Variants in PGAP1 observed in about 807,000 individuals in gnomAD.
The protein encoded by PGAP1 is post-GPI attachment to proteins inositol deacylase 1.
Under a neutral mutation model 127.0 loss-of-function variants are expected in PGAP1, and 76 were observed. The ratio of observed to expected loss-of-function variants is 0.60; its 90% CI spans 0.50 to 0.72. The LOEUF is 0.72. Among genes scored for constraint, PGAP1 ranks in the 30% least tolerant of loss-of-function variants. PGAP1 has a pLI of 0.00. For missense variants in PGAP1, 982 were observed against 1,071.3 expected (o/e 0.92, Z 1.16); for synonymous variants, 362 against 366.5 (o/e 0.99, Z 0.14).
At chr2:196,869,416 AGCTC>A (rs1701340790) in intron 19 of PGAP1, among the ~76,000 whole-genome samples, 1 of 152,028 alleles carries the variant, frequency 6.6e-6, no homozygotes, top group Non-Finnish European at 1.5e-5. Context: ...GCTCACTGCA[AGCTC>A]CACCTCTGGG....
At chr2:196,866,440 C>A (rs1319195583) in intron 19 of PGAP1, among the ~76,000 whole-genome samples, 1 of 152,066 alleles carries the variant, frequency 6.6e-6, no homozygotes. Context: ...TGAAACTGGA[C>A]CCCTTCCTTA....
At chr2:196,872,104 T>C (rs979716896) in intron 18 of PGAP1, among the ~76,000 whole-genome samples, 3 of 152,204 alleles carry the variant, frequency 2.0e-5, no homozygotes, top group Non-Finnish European at 4.4e-5. Context: ...TGTCAGTTAC[T>C]GCAGTAAGCC....
intron 20 of PGAP1, among the ~76,000 whole-genome samples, chr2:196,859,372 A>C (rs1338162041): frequency 6.6e-6 from 1 of 152,128 alleles, no homozygotes; most frequent in Non-Finnish European, 1.5e-5. Flanking sequence ...AGCAGTAATA[A>C]AAAGTCTCCC....
intron 24 of PGAP1, 59 bp downstream of exon 24, chr2:196,844,463 CTT>C (rs2125776546): frequency 7.4e-6 from 9 of 1,219,234 alleles, no homozygotes; most frequent in East Asian, 7.4e-5. Flanking sequence ...AAAAAAAACT[CTT>C]ATATTTCCCC....
chr2:196,916,371 GGTGCCGATAGGT>G (rs1390706675), intron 3 of PGAP1, 35 bp downstream of exon 3: 23 of 1,441,104 alleles, frequency 1.6e-5, no homozygotes, highest in Non-Finnish European at 2.1e-5. Context: ...TTTTTAAAAA[GGTGCCGATAGGT>G]TGCACCACTA....
In PGAP1 at chr2:196,875,810, A is replaced by G. The variant is rs750316786; in HGVS notation, c.1362T>C (p.Asp454=). The change falls in exon 14 of 27, where the codon GAT becomes GAC. Residue 454 remains aspartate (D), a synonymous_variant. Transcript: ENST00000354764. ...TTTTCTCTTTTTTAAAGAATTCACA[A>G]TCTACAACAAACTGAAATATAAAAC... The part of the protein sequence containing the change: ...PSVRGSKFVV[D]CEFFKKEKRY... The G allele has an allele frequency of 3.3e-5, 49 of 1,468,448 alleles. No homozygotes were observed. The East Asian group carries it at 1.1e-3, about 33-fold the overall frequency. 91.0% of individuals were successfully genotyped at this position (1,468,448 alleles called of 1,614,324 possible). A position where few individuals can be genotyped will look rare whatever the true frequency, so the allele number is the denominator to read the frequency against.
At chr2:196,849,898 A>G (rs1243565760) in intron 20 of PGAP1, among the ~76,000 whole-genome samples, 2 of 152,166 alleles carry the variant, frequency 1.3e-5, no homozygotes, top group East Asian at 3.9e-4. Flanking sequence ...TGTCCATTGT[A>G]CTACAGTTTC....
chr2:196,845,229 G>A (rs1316371312), intron 23 of PGAP1, among the ~76,000 whole-genome samples: 1 of 151,504 alleles, frequency 6.6e-6, no homozygotes, highest in African/African-American at 2.4e-5. Context: ...AATAATATAT[G>A]ATATGCATGT....
chr2:196,870,849 T>A, intron 19 of PGAP1, 92 bp downstream of exon 19: 1 of 1,087,684 alleles, frequency 9.2e-7, no homozygotes, highest in Non-Finnish European at 1.4e-6. Flanking sequence ...TTATTGATTA[T>A]CCAGCCCCTT....
intron 18 of PGAP1, among the ~76,000 whole-genome samples, chr2:196,871,978 A>T (rs1264674305): frequency 1.3e-5 from 2 of 152,168 alleles, no homozygotes; most frequent in Non-Finnish European, 2.9e-5. Context: ...TACAAAATAA[A>T]CACAATAGGT....
intron 2 of PGAP1, among the ~76,000 whole-genome samples, chr2:196,918,693 G>A (rs1242488436): frequency 1.3e-5 from 2 of 152,150 alleles, no homozygotes; most frequent in African/African-American, 4.8e-5. Flanking sequence ...CATTAGGACT[G>A]TGATTCTGTC....
chr2:196,920,848 T>G (rs1381026444), intron 1 of PGAP1, among the ~76,000 whole-genome samples: 1 of 152,134 alleles, frequency 6.6e-6, no homozygotes, highest in African/African-American at 2.4e-5. Flanking sequence ...CTTCATATTA[T>G]TGTATACCAA....
At chr2:196,874,126 G>A (rs62185647) in intron 14 of PGAP1, among the ~76,000 whole-genome samples, 3 of 151,740 alleles carry the variant, frequency 2.0e-5, no homozygotes, top group African/African-American at 7.3e-5. Flanking sequence ...AAAGGGTAGG[G>A]GGAAAAATAA....
In PGAP1 at chr2:196,845,933, T is replaced by C; in HGVS notation, c.2235A>G (p.Thr745=). ...GAAGTATGGCTAGTGCTCCACAAGT[T>C]GTCCAACTAACTATGATCAAGACAA... is the stretch of plus-strand genomic sequence containing the variant. ...LTIVLIIVSW[T]TCGALAILLS... Residue 745 remains threonine (T), a synonymous_variant, in exon 23 of 27, where the codon ACA becomes ACG. Coordinates refer to ENST00000354764, the MANE Select transcript of PGAP1 (RefSeq NM_024989.4). 1 of 1,609,330 alleles carries C rather than the reference T, an allele frequency of 6.2e-7. No homozygotes were observed. Among genetic ancestry groups the C allele is most frequent in the Non-Finnish European group, 8.5e-7 (1 of 1,177,168 alleles).
chr2:196,842,647 G>T, intron 26 of PGAP1, 74 bp downstream of exon 26: 1 of 592,606 alleles, frequency 1.7e-6, no homozygotes, highest in Non-Finnish European at 2.8e-6. Flanking sequence ...TAGAAATAAA[G>T]AGTATATTTT....
At chr2:196,916,360 T>G in intron 3 of PGAP1, 58 bp downstream of exon 3, 1 of 1,413,774 alleles carries the variant, frequency 7.1e-7, no homozygotes, top group East Asian at 2.5e-5. Flanking sequence ...ACTGAATCCC[T>G]TTTTTAAAAA....
chr2:196,872,646 G>A, intron 17 of PGAP1, 97 bp from the exon 18 acceptor site: 4 of 821,464 alleles, frequency 4.9e-6, no homozygotes, highest in Non-Finnish European at 5.9e-6. Context: ...GAATAATGTA[G>A]AGGAAGCTAG....
intron 13 of PGAP1, among the ~76,000 whole-genome samples, chr2:196,879,568 G>A (rs1213455864): frequency 2.0e-5 from 3 of 152,060 alleles, no homozygotes; most frequent in Non-Finnish European, 4.4e-5. Context: ...GGTAGCATGC[G>A]CCTGTAGTCC....
At chr2:196,895,081 G>A (rs937193390) in intron 7 of PGAP1, among the ~76,000 whole-genome samples, 4 of 152,032 alleles carry the variant, frequency 2.6e-5, no homozygotes, top group Non-Finnish European at 4.4e-5. Context: ...CTACTATTTA[G>A]TCCAGTCAAT....
Sources: gnomAD v4.1 joint callset for allele counts (sites outside exome capture counted in the v4.1 genomes callset) on GRCh38, gnomAD v4.1.1 for gene constraint, MANE v1.5 for transcripts, NCBI Gene and HGNC (gene_info 2026-07-23, HGNC 2026-07-21) for gene names.